The following RTKN2 variants were observed in gnomAD, a reference collection of about 807,000 sequenced individuals.
The protein encoded by RTKN2 is rhotekin 2, also known as rhotekin-2.
A neutral mutation model predicts 71.5 loss-of-function variants in RTKN2; 69 were observed. The ratio of observed to expected loss-of-function variants is 0.96; its 90% CI spans 0.79 to 1.18. The LOEUF (loss-of-function observed/expected upper bound fraction) is 1.18, where lower values mean the gene tolerates loss of function less well. Ranked by LOEUF, RTKN2 falls within the 50% of genes most tolerant of loss-of-function variation. The pLI, the probability that RTKN2 is intolerant of heterozygous loss-of-function variation, is 0.00. For missense variants in RTKN2, 724 were observed against 719.7 expected (o/e 1.01, Z -0.07); for synonymous variants, 236 against 236.5 (o/e 1.00, Z 0.02).
intron 7 of RTKN2, among the ~76,000 whole-genome samples, chr10:62,222,573 C>T (rs1841933661): frequency 6.6e-6 from 1 of 152,174 alleles, no homozygotes; most frequent in African/African-American, 2.4e-5. Context: ...GACTTTACCA[C>T]ATATTTTTAT....
Position 62,236,090 on chromosome 10 carries a change from C to A in RTKN2, c.662G>T (p.Cys221Phe), listed in dbSNP as rs1168310021. 2 of 1,612,354 alleles carry A rather than the reference C, an allele frequency of 1.2e-6. No individual in the cohort carries two copies. Among genetic ancestry groups the A allele is most frequent in the Non-Finnish European group, 1.7e-6 (2 of 1,178,862 alleles). ...SVLQEEDDEMCLLLSSAVFGV... is the reference protein window; with the variant it reads ...SVLQEEDDEMFLLLSSAVFGV... ...CAAAACAGCAGAGCTGAGGAGCAAG[C>A]ACATTTCATCATCCTCTTCTTGAAG... The change falls in exon 6 of 12, where the codon TGC (cysteine) becomes TTC (phenylalanine). Residue 221 changes from cysteine (C) to phenylalanine (F), a missense_variant. Transcript: ENST00000373789.
At chr10:62,200,092 G>T (rs192598226) in intron 10 of RTKN2, among the ~76,000 whole-genome samples, 1 of 151,968 alleles carries the variant, frequency 6.6e-6, no homozygotes, top group Non-Finnish European at 1.5e-5. Flanking sequence ...GGCCGGGCAC[G>T]GTGGCTCATG....
At chr10:62,184,028 GGA>G (rs1321200065) in exon 9 of RTKN2, 1 of 276,834 alleles carries the variant, frequency 3.6e-6, no homozygotes, top group Non-Finnish European at 6.6e-6. Flanking sequence ...TCTCTTCACA[GGA>G]GATATATTTA....
chr10:62,188,937 C>T (rs929922591), downstream of RTKN2, among the ~76,000 whole-genome samples: 4 of 151,478 alleles, frequency 2.6e-5, no homozygotes, highest in East Asian at 5.8e-4. Context: ...TTAGTAGAGA[C>T]GGGGGATTCA....
At chr10:62,257,586 C>CATTT (rs1842698494) in intron 2 of RTKN2, among the ~76,000 whole-genome samples, 1 of 152,146 alleles carries the variant, frequency 6.6e-6, no homozygotes, top group Admixed American at 6.5e-5. Flanking sequence ...ACCAATCAAG[C>CATTT]ATTTGGCTGC....
At chr10:62,242,015 T>C (rs1374564757) in intron 3 of RTKN2, among the ~76,000 whole-genome samples, 1 of 2,144 alleles carries the variant, frequency 4.7e-4, no homozygotes, top group East Asian at 0.5. Flanking sequence ...TTATTATACT[T>C]TTTTTTTTTT....
chr10:62,218,050 G>A, intron 8 of RTKN2, 145 bp downstream of exon 8: 1 of 585,026 alleles, frequency 1.7e-6, no homozygotes, highest in South Asian at 2.2e-5. Flanking sequence ...ACCCCCTACA[G>A]TTTATATCTG....
At chr10:62,223,368 T>C (rs1333361410) in intron 6 of RTKN2, 36 bp from the exon 7 acceptor site, 13 of 1,263,526 alleles carry the variant, frequency 1.0e-5, no homozygotes, top group Non-Finnish European at 1.5e-5. Flanking sequence ...TTAAGTATTT[T>C]TGTATTTCTA....
At chr10:62,261,625 T>G (rs1343697469) in intron 2 of RTKN2, among the ~76,000 whole-genome samples, 1 of 152,144 alleles carries the variant, frequency 6.6e-6, no homozygotes, top group Admixed American at 6.5e-5. Flanking sequence ...CACTCCAGCC[T>G]GGGTGACAGA....
At chr10:62,264,392 T>C (rs1564533650) in intron 1 of RTKN2, among the ~76,000 whole-genome samples, 1 of 152,236 alleles carries the variant, frequency 6.6e-6, no homozygotes, top group Non-Finnish European at 1.5e-5. Flanking sequence ...TATATAAATG[T>C]AGTCATTTGC....
chr10:62,257,857 A>C (rs1842703038), intron 2 of RTKN2, among the ~76,000 whole-genome samples: 2 of 152,182 alleles, frequency 1.3e-5, no homozygotes, highest in South Asian at 4.2e-4. Flanking sequence ...TTGAGGCAGT[A>C]AGCAACCTAT....
At chr10:62,247,847 A>G (rs879263339) in intron 2 of RTKN2, among the ~76,000 whole-genome samples, 2 of 152,084 alleles carry the variant, frequency 1.3e-5, no homozygotes, top group Non-Finnish European at 2.9e-5. Context: ...TGAGCAATGC[A>G]TAATATAAAT....
At chr10:62,190,922 T>C (rs1456154169), downstream of RTKN2, among the ~76,000 whole-genome samples, 2 of 152,148 alleles carry the variant, frequency 1.3e-5, no homozygotes, top group Non-Finnish European at 2.9e-5. Context: ...AATACGCTCA[T>C]TCCATTTCTG....
At chr10:62,258,944 G>T (rs1370096582) in intron 2 of RTKN2, among the ~76,000 whole-genome samples, 1 of 152,150 alleles carries the variant, frequency 6.6e-6, no homozygotes, top group African/African-American at 2.4e-5. Flanking sequence ...TCCTTAAAGA[G>T]TTACAGCCTT....
intron 7 of RTKN2, among the ~76,000 whole-genome samples, chr10:62,221,604 A>G (rs1841909009): frequency 6.6e-6 from 1 of 152,050 alleles, no homozygotes; most frequent in Non-Finnish European, 1.5e-5. Flanking sequence ...CATGCATCAA[A>G]TAACAAAGGT....
At chr10:62,192,099 A>G (rs1004607127), downstream of RTKN2, among the ~76,000 whole-genome samples, 2 of 152,040 alleles carry the variant, frequency 1.3e-5, no homozygotes, top group Non-Finnish European at 2.9e-5. Flanking sequence ...GGTTAAAAAA[A>G]AAAAGCCCCA....
Position 62,193,146 on chromosome 10 carries a change from T to C in RTKN2, c.*4762A>G. 1.5e-6 allele frequency: 1 copy of C among 677,454 alleles called. No individual in the cohort carries two copies. The highest frequency in any genetic ancestry group is 6.7e-5 in the South Asian group (1 of 14,944). The allele number at this position is 677,454 out of a possible 1,614,324, so 42.0% of individuals were successfully genotyped here. The stretch of plus-strand genomic sequence containing the variant: ...AAATGCATCCATTCATAATTTTGAG[T>C]AGATAAACAAAATATAAAAATATTT... On this transcript the variant is annotated 3_prime_UTR_variant, in exon 12 of 12. Coordinates refer to ENST00000373789, the MANE Select transcript of RTKN2 (RefSeq NM_145307.4).
intron 6 of RTKN2, among the ~76,000 whole-genome samples, chr10:62,235,780 T>C (rs1389033175): frequency 6.6e-6 from 1 of 151,904 alleles, no homozygotes; most frequent in Admixed American, 6.6e-5. Flanking sequence ...TATTCCAAAA[T>C]CTGAAAAAGT....
intron 3 of RTKN2, among the ~76,000 whole-genome samples, chr10:62,244,445 C>T (rs902489774): frequency 1.3e-5 from 2 of 151,998 alleles, no homozygotes; most frequent in Non-Finnish European, 2.9e-5. Context: ...TCTAAATGTA[C>T]AGTTATTTCT....
Sources: allele counts gnomAD v4.1 joint callset (sites outside exome capture counted in the v4.1 genomes callset), GRCh38; gene constraint gnomAD v4.1.1; transcripts MANE v1.5; gene names NCBI Gene and HGNC (gene_info 2026-07-23, HGNC 2026-07-21).